Variants in ANKS3 observed in about 807,000 individuals in gnomAD.
ANKS3 encodes the protein ankyrin repeat and sterile alpha motif domain containing 3, also known as ankyrin repeat and SAM domain-containing protein 3.
ANKS3 carries 62 observed loss-of-function variants against 80.7 expected under a neutral mutation model. The ratio of observed to expected loss-of-function variants is 0.77; its 90% confidence interval spans 0.63 to 0.95. The LOEUF is 0.95. Ranked by LOEUF, ANKS3 falls within the 40% of genes least tolerant of loss-of-function variation. The probability of loss-of-function intolerance (pLI) is 0.00; values close to 1 mark genes in which losing one functional copy is unlikely to be tolerated. For synonymous variants in ANKS3, 489 were observed against 355.3 expected, an observed-to-expected ratio of 1.38 and a Z score of -4.23; for missense variants, 1,150 against 883.6, an observed-to-expected ratio of 1.30 and a Z score of -3.82.
chr16:4,726,104 T>A (rs189756652), intron 5 of ANKS3, among the ~76,000 whole-genome samples: 48 of 151,632 alleles, frequency 3.2e-4, no homozygotes, highest in Admixed American at 2.0e-4. Flanking sequence ...GCCTCCCGAG[T>A]AGCTGGGACT....
chr16:4,710,614 T>A (rs1274662343), intron 7 of ANKS3, among the ~76,000 whole-genome samples: 1 of 151,888 alleles, frequency 6.6e-6, no homozygotes, highest in Admixed American at 6.6e-5. Flanking sequence ...AGAGCTGAGG[T>A]AGAAGGATCG....
At chr16:4,719,815 A>G (rs1302232221) in intron 6 of ANKS3, among the ~76,000 whole-genome samples, 1 of 152,122 alleles carries the variant, frequency 6.6e-6, no homozygotes, top group Non-Finnish European at 1.5e-5. Context: ...TAAATAAAAA[A>G]TACAAAAATA....
intron 1 of ANKS3, among the ~76,000 whole-genome samples, chr16:4,732,303 G>A (rs1271533966): frequency 6.6e-6 from 1 of 152,076 alleles, no homozygotes; most frequent in Non-Finnish European, 1.5e-5. Flanking sequence ...TCAGTTCAGA[G>A]TCCCTTCCAT....
chr16:4,730,542 G>A (rs1444930365), intron 2 of ANKS3, among the ~76,000 whole-genome samples: 1 of 152,088 alleles, frequency 6.6e-6, no homozygotes, highest in Admixed American at 6.6e-5. Flanking sequence ...TTGATGTGGT[G>A]GGGAAGAACC....
rs1253419041 is a variant in ANKS3 at position 4,734,117 on chromosome 16, T to C, written c.-250A>G. The C allele has an allele frequency of 1.3e-6, 1 of 783,870 alleles. No individual in the cohort carries two copies. The highest frequency in any genetic ancestry group is 1.5e-6 in the Non-Finnish European group (1 of 645,976). 48.6% of individuals were successfully genotyped at this position (783,870 alleles called of 1,614,324 possible). On this transcript the variant is annotated 5_prime_UTR_variant, in exon 1 of 18. Transcript: ENST00000304283. ...GCGCCGGGTCTAGGCGGGCTGCAGG[T>C]GCCGGCAAGTGCTGGGGCCGGGCCG...
chr16:4,727,409 C>T, intron 3 of ANKS3: 1 of 584,780 alleles, frequency 1.7e-6, no homozygotes, highest in Non-Finnish European at 3.1e-6. Context: ...TTCGCATCCT[C>T]CTAGCCCAAG....
At chr16:4,711,800 C>G (rs1184417195) in intron 7 of ANKS3, among the ~76,000 whole-genome samples, 1 of 151,258 alleles carries the variant, frequency 6.6e-6, no homozygotes, top group Non-Finnish European at 1.5e-5. Context: ...GAAGTGATCT[C>G]TCAGGAAAAT....
chr16:4,713,028 G>C (rs1409211937), intron 7 of ANKS3, among the ~76,000 whole-genome samples: 1 of 152,168 alleles, frequency 6.6e-6, no homozygotes, highest in African/African-American at 2.4e-5. Context: ...CCAGCACTTT[G>C]GGAGGCTGAG....
chr16:4,721,983 T>G lies in ANKS3; in HGVS notation c.573+2767A>C, dbSNP rs147335185. Among the ~76,000 whole-genome samples, 2 of 151,260 alleles carry G rather than the reference T, an allele frequency of 1.3e-5. 1 individual carries two copies. Among genetic ancestry groups the G allele is most frequent in the Non-Finnish European group, 3.0e-5 (2 of 67,686 alleles). ...AGAAAAATCTTCATGATTAAGTTTT[T>G]TAAAAAATGCAAGATGGGAGCAGCT... On this transcript the variant is annotated intron_variant, in intron 6 of 17. Transcript: ENST00000304283.
Position 4,705,187 on chromosome 16 carries a change from C to T in ANKS3, c.776G>A (p.Arg259Gln), listed in dbSNP as rs753487374. 27 of 1,613,802 alleles carry T rather than the reference C, an allele frequency of 1.7e-5. No homozygotes were observed. Among genetic ancestry groups the T allele is most frequent in the Admixed American group, 3.3e-5 (2 of 60,002 alleles). The change falls in exon 8 of 18, where the codon CGG (arginine) becomes CAG (glutamine). Residue 259 changes from arginine (R) to glutamine (Q), a missense_variant. Physicochemically the swap from Arg to Gln is conservative, Grantham distance 43. Transcript: ENST00000304283. ...CTCGTGGATGCTGACACCCTTCTTC[C>T]GGCAAGGCCTCTGTCTCTGAGGAGC... ...CPAPQRQRPC[R>Q]KKGVSIHEGP...
intron 4 of ANKS3, 48 bp from the exon 5 acceptor site, chr16:4,726,828 G>A: frequency 1.2e-6 from 2 of 1,602,612 alleles, no homozygotes; most frequent in Non-Finnish European, 1.7e-6. Flanking sequence ...TCCTCTGCGT[G>A]GGGCGGGCGC....
intron 7 of ANKS3, among the ~76,000 whole-genome samples, chr16:4,706,441 T>C (rs2080198876): frequency 6.6e-6 from 1 of 152,062 alleles, no homozygotes; most frequent in African/African-American, 2.4e-5. Context: ...TTCACCATGT[T>C]GGCCAGGCTG....
chr16:4,708,402 G>A (rs1455322803), intron 7 of ANKS3, among the ~76,000 whole-genome samples: 1 of 152,000 alleles, frequency 6.6e-6, no homozygotes, highest in Non-Finnish European at 1.5e-5. Context: ...AGAACCCCCA[G>A]AATACACTTA....
intron 8 of ANKS3, 111 bp downstream of exon 8, chr16:4,704,984 C>T (rs2080106436): frequency 6.9e-7 from 1 of 1,441,236 alleles, no homozygotes; most frequent in South Asian, 1.3e-5. Flanking sequence ...CCCGCTGCCA[C>T]CTGAGGTCCA....
At chr16:4,732,452 C>A (rs910699086) in intron 1 of ANKS3, among the ~76,000 whole-genome samples, 1 of 152,074 alleles carries the variant, frequency 6.6e-6, no homozygotes, top group African/African-American at 2.4e-5. Flanking sequence ...CCAGACCAAG[C>A]GTGACGGACC....
chr16:4,719,217 A>C (rs759800373), intron 6 of ANKS3, among the ~76,000 whole-genome samples: 10 of 152,204 alleles, frequency 6.6e-5, no homozygotes, highest in Non-Finnish European at 1.2e-4. Context: ...TTGTGGTCTC[A>C]GCTACTCAGG....
chr16:4,706,764 G>T (rs143403095), intron 7 of ANKS3, among the ~76,000 whole-genome samples: 5 of 152,290 alleles, frequency 3.3e-5, no homozygotes, highest in Non-Finnish European at 5.9e-5. Flanking sequence ...GAGTGGGTAA[G>T]CTGGGGCAGA....
chr16:4,702,024 G>A (rs982660745), intron 9 of ANKS3, 78 bp downstream of exon 9: 2 of 1,466,004 alleles, frequency 1.4e-6, no homozygotes, highest in Non-Finnish European at 1.8e-6. Context: ...GCCAGGCCCA[G>A]GGGATAAGTG....
chr16:4,705,725 G>A (rs1328308698), intron 7 of ANKS3, among the ~76,000 whole-genome samples: 1 of 151,982 alleles, frequency 6.6e-6, no homozygotes, highest in Non-Finnish European at 1.5e-5. Context: ...CTCCCAAAGT[G>A]CTGGGATTAC....
Sources: allele counts gnomAD v4.1 joint callset (sites outside exome capture counted in the v4.1 genomes callset), GRCh38; gene constraint gnomAD v4.1.1; transcripts MANE v1.5; gene names NCBI Gene and HGNC (gene_info 2026-07-23, HGNC 2026-07-21).